GORAB: variants seen among roughly 807,000 people sequenced by gnomAD.
The protein encoded by GORAB is golgin, RAB6 interacting, also known as RAB6-interacting golgin.
A neutral mutation model predicts 29.9 loss-of-function variants in GORAB; 17 were observed. The ratio of observed to expected loss-of-function variants is 0.57; its 90% CI spans 0.39 to 0.85. The LOEUF (loss-of-function observed/expected upper bound fraction) is 0.85, where lower values mean the gene tolerates loss of function less well. Ranked by LOEUF, GORAB falls within the 40% of genes least tolerant of loss-of-function variation. GORAB has a pLI of 0.00. For synonymous variants in GORAB, 183 were observed against 157.2 expected (o/e 1.16, Z -1.23); for missense variants, 442 against 437.8 (o/e 1.01, Z -0.09).
intron 2 of GORAB, among the ~76,000 whole-genome samples, chr1:170,540,417 T>G (rs1207894566): frequency 1.3e-5 from 2 of 152,160 alleles, no homozygotes; most frequent in East Asian, 3.9e-4. Context: ...TTTTCTGTTT[T>G]CTCTTTTCTG....
rs1386535741 is a variant in GORAB at position 170,553,130 on chromosome 1, T to G, written c.*668T>G. 1 of 440,562 alleles carries G rather than the reference T, an allele frequency of 2.3e-6. No individual in the cohort carries two copies. The highest frequency in any genetic ancestry group is 7.0e-5 in the East Asian group (1 of 14,312). The allele number at this position is 440,562 out of a possible 1,614,324, so 27.3% of individuals were successfully genotyped here. On this transcript the variant is annotated 3_prime_UTR_variant, in exon 5 of 5. Coordinates refer to ENST00000367763, the MANE Select transcript of GORAB (RefSeq NM_152281.3). ...CACTTATATATAAACACATGTAATTTTACTATTTTATTGTCTTTCCTTTAA... is the reference window on the plus strand; with the variant it reads ...CACTTATATATAAACACATGTAATTGTACTATTTTATTGTCTTTCCTTTAA...
intron 3 of GORAB, among the ~76,000 whole-genome samples, chr1:170,544,091 G>C (rs914029566): frequency 1.3e-5 from 2 of 152,170 alleles, no homozygotes; most frequent in Non-Finnish European, 2.9e-5. Context: ...AGAGGGGATT[G>C]AGAAATTATG....
chr1:170,535,973 C>G (rs1409901599), intron 1 of GORAB, among the ~76,000 whole-genome samples: 2 of 152,056 alleles, frequency 1.3e-5, no homozygotes, highest in African/African-American at 2.4e-5. Flanking sequence ...CCACTGCACC[C>G]AGCCAGTATT....
At position 170,552,365 on chromosome 1, in the gene GORAB, T is replaced by TC; in HGVS notation, c.1013_1014insC (p.Asp339ArgfsTer2). On this transcript the variant is annotated frameshift_variant, in exon 5 of 5. Coordinates refer to ENST00000367763, the MANE Select transcript of GORAB (RefSeq NM_152281.3). LOFTEE classifies it low-confidence loss of function (END_TRUNC). ...CAAGAACAAGCTGTTTCCCCAAAGG[T>TC]AGATGACCAGTGTGGAAATTCCAGT... 1 of 1,614,106 alleles carries TC rather than the reference T, an allele frequency of 6.2e-7. No individual in the cohort carries two copies. Among genetic ancestry groups the TC allele is most frequent in the Non-Finnish European group, 8.5e-7 (1 of 1,179,952 alleles).
At chr1:170,543,087 T>C (rs1472429909) in intron 3 of GORAB, among the ~76,000 whole-genome samples, 1 of 152,208 alleles carries the variant, frequency 6.6e-6, no homozygotes, top group African/African-American at 2.4e-5. Context: ...TGATATAGTT[T>C]AACTTTTTAT....
rs146212101 is a variant in GORAB, at chr1:170,539,375, A to C, written c.227A>C (p.Gln76Pro). 6.2e-7 allele frequency: 1 copy of C among 1,614,124 alleles called. No homozygotes were observed. The highest frequency in any genetic ancestry group is 8.5e-7 in the Non-Finnish European group (1 of 1,179,994). Residue 76 changes from glutamine to proline, a missense_variant, in exon 2 of 5, where the codon CAA becomes CCA. By Grantham distance (76) the Gln-to-Pro change is moderately conservative. Coordinates refer to ENST00000367763, the MANE Select transcript of GORAB (RefSeq NM_152281.3). Reference sequence around the variant, plus strand: ...GCACCAAAACAGAGAGTTAACGTTCAAAAACCACCTTTTTCTTCCCCTACT... The same window carrying C: ...GCACCAAAACAGAGAGTTAACGTTCCAAAACCACCTTTTTCTTCCCCTACT... ...LSAPKQRVNV[Q>P]KPPFSSPTLP... is the part of the protein sequence containing the mutation.
rs1224180986 is a variant in GORAB at position 170,539,574 on chromosome 1, A to G, written c.419+7A>G. 2 of 1,613,560 alleles carry G rather than the reference A, an allele frequency of 1.2e-6. No individual in the cohort carries two copies. Among genetic ancestry groups the G allele is most frequent in the Admixed American group, 3.3e-5 (2 of 59,980 alleles). ...AGAAAAAGAAAGTGGAATTGTTAGT[A>G]AGTCTATGTGAAAAGTCCATGAGAC... On this transcript the variant is annotated splice_region_variant and intron_variant, in intron 2 of 4. Coordinates refer to ENST00000367763, the MANE Select transcript of GORAB (RefSeq NM_152281.3).
intron 4 of GORAB, chr1:170,545,058 A>G (rs1649673480): frequency 4.0e-6 from 5 of 1,263,668 alleles, no homozygotes; most frequent in South Asian, 3.1e-5. Flanking sequence ...TTCGTGTGCC[A>G]TTAGAGCAGT....
chr1:170,550,925 C>G (rs1444557823), intron 4 of GORAB, among the ~76,000 whole-genome samples: 2 of 152,176 alleles, frequency 1.3e-5, no homozygotes, highest in Non-Finnish European at 2.9e-5. Context: ...CACGATAACT[C>G]TTCTTTTTGT....
chr1:170,539,963 CTT>C (rs1649310954), intron 2 of GORAB, among the ~76,000 whole-genome samples: 6 of 148,054 alleles, frequency 4.1e-5, no homozygotes, highest in African/African-American at 1.5e-4. Context: ...TTCTTTTTTT[CTT>C]TCTTTTTTTT....
intron 3 of GORAB, 59 bp from the exon 4 acceptor site, chr1:170,544,646 A>T: frequency 7.0e-7 from 1 of 1,437,232 alleles, no homozygotes; most frequent in Non-Finnish European, 9.8e-7. Context: ...CTTACATTGT[A>T]TATGGACACA....
At chr1:170,539,117 TCAA>T (rs1383668960) in intron 1 of GORAB, 90 bp from the exon 2 acceptor site, 1 of 1,472,962 alleles carries the variant, frequency 6.8e-7, no homozygotes, top group Non-Finnish European at 9.4e-7. Flanking sequence ...ACTAGAATTA[TCAA>T]CGTTTAATGT....
At chr1:170,540,040 AGAAG>A (rs1649318814) in intron 2 of GORAB, among the ~76,000 whole-genome samples, 1 of 150,344 alleles carries the variant, frequency 6.7e-6, no homozygotes, top group African/African-American at 2.5e-5. Context: ...ATCACAGCTC[AGAAG>A]CAGTTCTTAT....
chr1:170,534,533 C>T (rs1300923956), intron 1 of GORAB, among the ~76,000 whole-genome samples: 1 of 152,104 alleles, frequency 6.6e-6, no homozygotes, highest in African/African-American at 2.4e-5. Context: ...CAGTCACGCA[C>T]TCAATAACAG....
chr1:170,539,229 A>T lies in GORAB; in HGVS notation c.81A>T (p.Arg27=). The change falls in exon 2 of 5, where the codon CGA becomes CGT. Residue 27 remains arginine (R), a synonymous_variant. Transcript: ENST00000367763. ...KQTKDPFEPQ[R]RLPAKKSRQQ... ...ACATAGATCCATTTGAACCACAGCGACGTCTCCCCGCGAAGAAAAGTCGAC... is the reference window on the plus strand; with the variant it reads ...ACATAGATCCATTTGAACCACAGCGTCGTCTCCCCGCGAAGAAAAGTCGAC... The T allele has an allele frequency of 6.2e-7, 1 of 1,614,126 alleles. No homozygotes were observed. The highest frequency in any genetic ancestry group is 1.1e-5 in the South Asian group (1 of 91,088).
chr1:170,534,699 C>A (rs1297465064), intron 1 of GORAB, among the ~76,000 whole-genome samples: 1 of 152,108 alleles, frequency 6.6e-6, no homozygotes, highest in Non-Finnish European at 1.5e-5. Context: ...AGGTTTGGAG[C>A]TTAGGAGCAA....
chr1:170,549,796 ATAAAT>A (rs1463383288), intron 4 of GORAB, among the ~76,000 whole-genome samples: 2 of 152,224 alleles, frequency 1.3e-5, no homozygotes, highest in African/African-American at 4.8e-5. Flanking sequence ...AGGAAATAGG[ATAAAT>A]TAACATTATG....
chr1:170,533,496 A>G (rs1263301118), intron 1 of GORAB: 2 of 447,976 alleles, frequency 4.5e-6, no homozygotes, highest in Non-Finnish European at 9.1e-6. Flanking sequence ...GTCTGACTCC[A>G]GTAGACTCAT....
At chr1:170,541,174 A>G (rs965159031) in intron 2 of GORAB, among the ~76,000 whole-genome samples, 2 of 132,116 alleles carry the variant, frequency 1.5e-5, no homozygotes, top group African/African-American at 5.6e-5. Context: ...ACTGCATTCC[A>G]GCCTGGGCAA....
Sources: allele counts gnomAD v4.1 joint callset (sites outside exome capture counted in the v4.1 genomes callset), GRCh38; gene constraint gnomAD v4.1.1; transcripts MANE v1.5; gene names NCBI Gene and HGNC (gene_info 2026-07-23, HGNC 2026-07-21).